Variants in SLC15A1 observed in about 807,000 individuals in gnomAD.
The protein encoded by SLC15A1 is solute carrier family 15 member 1.
In SLC15A1, 83 loss-of-function variants were observed where a neutral mutation model predicts 92.9. That is an observed-to-expected ratio of 0.89 (90% confidence interval 0.75 to 1.07). The LOEUF is 1.07. SLC15A1 is among the 50% of genes least tolerant of loss of function. The pLI, the probability that SLC15A1 is intolerant of heterozygous loss-of-function variation, is 0.00. For missense variants in SLC15A1, 857 were observed against 880.1 expected (o/e 0.97, Z 0.33); for synonymous variants, 322 against 318.2 (o/e 1.01, Z -0.13).
At position 98,704,379 on chromosome 13, in the gene SLC15A1, A is replaced by G; in HGVS notation, c.1326T>C (p.Ser442=). 6.2e-7 allele frequency: 1 copy of G among 1,613,944 alleles called. No individual in the cohort carries two copies. Among genetic ancestry groups the G allele is most frequent in the Non-Finnish European group, 8.5e-7 (1 of 1,179,944 alleles). ...TTACAGCAGTGACTGGTGATCCAGG[A>G]GAAGAAATGTTTATCCTTGTCAGTT... ...VNKLTRINIS[S]PGSPVTAVTD... Residue 442 remains serine (S), a synonymous_variant, in exon 17 of 23, where the codon TCT becomes TCC. Transcript: ENST00000376503.
intron 18 of SLC15A1, among the ~76,000 whole-genome samples, chr13:98,691,801 C>T (rs371182286): frequency 3.9e-5 from 6 of 152,048 alleles, no homozygotes; most frequent in South Asian, 2.1e-4. Context: ...GAGCGGGGCA[C>T]GGTGGCTCAC....
At chr13:98,727,778 C>G (rs1161988363) in intron 1 of SLC15A1, among the ~76,000 whole-genome samples, 2 of 152,304 alleles carry the variant, frequency 1.3e-5, no homozygotes, top group East Asian at 1.9e-4. Flanking sequence ...CACATACTAC[C>G]CTGTTTCCCA....
rs1339067 is a variant in SLC15A1 at position 98,704,358 on chromosome 13, A to C, written c.1347T>G (p.Ala449=). Residue 449 remains alanine (A), a synonymous_variant, in exon 17 of 23, where the codon GCT becomes GCG. Transcript: ENST00000376503. ...GGCCCTGCTTGAAGTCGTCAGTTAC[A>C]GCAGTGACTGGTGATCCAGGAGAAG... ...NISSPGSPVT[A]VTDDFKQGQR... The C allele has an allele frequency of 6.2e-7, 1 of 1,613,124 alleles. No homozygotes were observed. The highest frequency in any genetic ancestry group is 8.5e-7 in the Non-Finnish European group (1 of 1,179,632).
chr13:98,734,562 A>G (rs1381989458), intron 1 of SLC15A1, among the ~76,000 whole-genome samples: 2 of 152,174 alleles, frequency 1.3e-5, no homozygotes, highest in Non-Finnish European at 2.9e-5. Context: ...GAAAAGTGGG[A>G]CACTCCTGCC....
rs543417886 is a variant in SLC15A1 at position 98,742,017 on chromosome 13, C to T, written c.4+10578G>A. Among the ~76,000 whole-genome samples, 15 of 152,364 alleles carry T rather than the reference C, an allele frequency of 9.8e-5. 1 individual carries two copies. The South Asian group carries it at 3.1e-3, about 32-fold the overall frequency. ...ACTGGGTGTGTTGCCATGTGGACAG[C>T]AGCCTAGCCCTGCGGACCTTGCACG... On this transcript the variant is annotated intron_variant, in intron 1 of 22. Coordinates refer to ENST00000376503, the MANE Select transcript of SLC15A1 (RefSeq NM_005073.4).
chr13:98,691,489 A>G (rs7981646), intron 18 of SLC15A1, among the ~76,000 whole-genome samples: 27 of 152,296 alleles, frequency 1.8e-4, no homozygotes, highest in Admixed American at 1.4e-3. Flanking sequence ...ACATGTTTTC[A>G]TCTCTTCTGG....
intron 11 of SLC15A1, among the ~76,000 whole-genome samples, chr13:98,710,526 A>C (rs2088152708): frequency 6.6e-6 from 1 of 152,190 alleles, no homozygotes; most frequent in African/African-American, 2.4e-5. Context: ...ATAGAAAGTC[A>C]GGAAATTGGC....
intron 18 of SLC15A1, among the ~76,000 whole-genome samples, chr13:98,692,331 C>A (rs1486617417): frequency 6.6e-6 from 1 of 150,762 alleles, no homozygotes; most frequent in African/African-American, 2.4e-5. Flanking sequence ...TTTTTAAATT[C>A]TTATATTTGC....
At chr13:98,726,742 T>C (rs2088304949) in intron 2 of SLC15A1, 101 bp downstream of exon 2, 1 of 1,183,106 alleles carries the variant, frequency 8.5e-7, no homozygotes. Flanking sequence ...CCTCACTGGT[T>C]CCAGATGTAC....
rs764110081 is a variant in SLC15A1, at chr13:98,726,122, C to A, written c.245+1G>T. ...TGAACAAGAAATTTCCAGCCACTCA[C>A]TTGAACTTTCCCAGCCACGAGTCGG... On this transcript the variant is annotated splice_donor_variant, in intron 4 of 22. Coordinates refer to ENST00000376503, the MANE Select transcript of SLC15A1 (RefSeq NM_005073.4). LOFTEE classifies it high-confidence loss of function. 2 of 1,613,680 alleles carry A rather than the reference C, an allele frequency of 1.2e-6. No individual in the cohort carries two copies. Among genetic ancestry groups the A allele is most frequent in the Non-Finnish European group, 1.7e-6 (2 of 1,179,842 alleles).
intron 1 of SLC15A1, among the ~76,000 whole-genome samples, chr13:98,748,234 C>T (rs2088512044): frequency 6.6e-6 from 1 of 152,158 alleles, no homozygotes; most frequent in Non-Finnish European, 1.5e-5. Context: ...CTGGCCAGCC[C>T]AGCTGAACCA....
At chr13:98,694,373 A>G (rs2088005507) in intron 18 of SLC15A1, among the ~76,000 whole-genome samples, 1 of 152,220 alleles carries the variant, frequency 6.6e-6, no homozygotes, top group South Asian at 2.1e-4. Flanking sequence ...ATGAATAAAA[A>G]TATTTGTAAA....
At chr13:98,721,651 A>T in intron 6 of SLC15A1, 66 bp from the exon 7 acceptor site, 1 of 1,285,246 alleles carries the variant, frequency 7.8e-7, no homozygotes, top group Non-Finnish European at 1.1e-6. Flanking sequence ...GGAGCTGATG[A>T]TCTCATTTTA....
At chr13:98,729,283 A>C (rs967768090) in intron 1 of SLC15A1, among the ~76,000 whole-genome samples, 4 of 152,168 alleles carry the variant, frequency 2.6e-5, no homozygotes, top group Admixed American at 2.6e-4. Flanking sequence ...TTAAATCCTT[A>C]AAGCCCTATG....
Position 98,719,219 on chromosome 13 carries a change from C to T in SLC15A1, c.640+18G>A. ...ACCTGGTCCTAGGCTTCTATTAATT[C>T]AACCGATTTCCACTTACTCAGGGCT... is the stretch of plus-strand genomic sequence containing the variant. On this transcript the variant is annotated intron_variant, in intron 8 of 22. Coordinates refer to ENST00000376503, the MANE Select transcript of SLC15A1 (RefSeq NM_005073.4). 2 of 1,598,864 alleles carry T rather than the reference C, an allele frequency of 1.3e-6. No individual in the cohort carries two copies. The highest frequency in any genetic ancestry group is 1.1e-5 in the South Asian group (1 of 90,374).
At chr13:98,704,456 G>T in intron 16 of SLC15A1, 21 bp from the exon 17 acceptor site, 1 of 1,549,810 alleles carries the variant, frequency 6.5e-7, no homozygotes. Flanking sequence ...AGGGAAAGAG[G>T]CATAGTTAAT....
At chr13:98,738,264 C>T (rs1293457361) in intron 1 of SLC15A1, among the ~76,000 whole-genome samples, 1 of 152,208 alleles carries the variant, frequency 6.6e-6, no homozygotes, top group Non-Finnish European at 1.5e-5. Context: ...AAAGAAAATG[C>T]TTTTTCAGCA....
At chr13:98,726,891 T>G (rs766501547) in intron 1 of SLC15A1, 32 bp from the exon 2 acceptor site, 41 of 1,611,508 alleles carry the variant, frequency 2.5e-5, no homozygotes, top group Non-Finnish European at 3.3e-5. Context: ...AATATTAAAG[T>G]CAAGCCATTA....
chr13:98,690,790 C>T (rs1390658279), intron 18 of SLC15A1, among the ~76,000 whole-genome samples: 2 of 152,150 alleles, frequency 1.3e-5, no homozygotes, highest in East Asian at 1.9e-4. Flanking sequence ...ACCTGTGCAA[C>T]GTTGGCTGCA....
Sources: gnomAD v4.1 joint callset for allele counts (sites outside exome capture counted in the v4.1 genomes callset) on GRCh38, gnomAD v4.1.1 for gene constraint, MANE v1.5 for transcripts, NCBI Gene and HGNC (gene_info 2026-07-23, HGNC 2026-07-21) for gene names.